CHIC1: variants seen among roughly 807,000 people sequenced by gnomAD.
The protein encoded by CHIC1 is cysteine rich hydrophobic domain 1.
CHIC1 carries 7 observed loss-of-function variants against 18.5 expected under a neutral mutation model. The observed-to-expected ratio is 0.38, with a 90% CI of 0.22 to 0.71. The LOEUF is 0.71. Ranked by LOEUF, CHIC1 falls within the 30% of genes least tolerant of loss-of-function variation. The probability of loss-of-function intolerance (pLI) is 0.49; values close to 1 mark genes in which losing one functional copy is unlikely to be tolerated. For synonymous variants in CHIC1, 77 were observed against 73.5 expected, an observed-to-expected ratio of 1.05 and a Z score of -0.25; for missense variants, 159 against 176.9, an observed-to-expected ratio of 0.90 and a Z score of 0.57.
chrX:73,582,359 G>C (rs1418909924), intron 2 of CHIC1, among the ~76,000 whole-genome samples: 1 of 109,961 alleles, frequency 9.1e-6, no homozygotes, highest in Non-Finnish European at 1.9e-5. Flanking sequence ...ACTTCTATTT[G>C]GTTGCCCAAT....
chrX:73,623,432 T>G (rs1324910509), intron 3 of CHIC1, among the ~76,000 whole-genome samples: 1 of 110,947 alleles, frequency 9.0e-6, no homozygotes, highest in Non-Finnish European at 1.9e-5. Flanking sequence ...CTTTACCTAT[T>G]GTAATGCCCT....
intron 3 of CHIC1, among the ~76,000 whole-genome samples, chrX:73,640,123 C>T (rs913516753): frequency 9.0e-6 from 1 of 111,725 alleles, no homozygotes; most frequent in Non-Finnish European, 1.9e-5. Context: ...CATGGGAATG[C>T]TTCCAGCTTT....
At chrX:73,570,041 T>C (rs2057463481) in intron 1 of CHIC1, among the ~76,000 whole-genome samples, 1 of 112,022 alleles carries the variant, frequency 8.9e-6, no homozygotes, top group African/African-American at 3.2e-5. Flanking sequence ...AGCACTGGGC[T>C]AAACACTGTG....
At chrX:73,615,318 C>T (rs1391159604) in intron 3 of CHIC1, among the ~76,000 whole-genome samples, 2 of 111,585 alleles carry the variant, frequency 1.8e-5, no homozygotes, top group African/African-American at 6.5e-5. Flanking sequence ...CAAACCAATT[C>T]TTGGTCTCCA....
rs369726456 is a variant in CHIC1 at position 73,604,064 on chromosome X, A to G, written c.507+19492A>G. On this transcript the variant is annotated intron_variant, in intron 3 of 5. Transcript: ENST00000373502. ...CCTTCTTTTTCTGTTGTTTGGAATAATTTCAGAAGGAATGGTACCAGCTCC... is the reference window on the plus strand; with the variant it reads ...CCTTCTTTTTCTGTTGTTTGGAATAGTTTCAGAAGGAATGGTACCAGCTCC... Among the ~76,000 whole-genome samples the G allele has an allele frequency of 1.8e-4, 19 of 107,945 alleles. 1 individual carries two copies. The South Asian group carries it at 6.2e-3, about 35-fold the overall frequency. 93.7% of individuals were successfully genotyped at this position (107,945 alleles called of 115,157 possible). A position where few individuals can be genotyped will look rare whatever the true frequency, so the allele number is the denominator to read the frequency against.
chrX:73,597,176 C>T (rs2057613856), intron 3 of CHIC1, among the ~76,000 whole-genome samples: 1 of 111,986 alleles, frequency 8.9e-6, no homozygotes, highest in Admixed American at 9.5e-5. Context: ...TTTATAACAG[C>T]CACCCTAGTG....
intron 3 of CHIC1, among the ~76,000 whole-genome samples, chrX:73,677,422 A>G (rs2058071916): frequency 9.0e-6 from 1 of 111,522 alleles, no homozygotes; most frequent in African/African-American, 3.3e-5. Flanking sequence ...CTAATCAAAC[A>G]ACTAACTCAG....
At chrX:73,676,715 G>A (rs1300336972) in intron 3 of CHIC1, among the ~76,000 whole-genome samples, 7 of 111,658 alleles carry the variant, frequency 6.3e-5, no homozygotes, top group Non-Finnish European at 9.4e-5. Context: ...ATCATTTGAA[G>A]CCTTCTTCTC....
chrX:73,678,573 G>A (rs1006606025), intron 3 of CHIC1, among the ~76,000 whole-genome samples: 1 of 111,986 alleles, frequency 8.9e-6, no homozygotes, highest in Admixed American at 9.4e-5. Context: ...TTCTCAGGTA[G>A]GGCACACTGG....
chrX:73,650,697 C>A, intron 3 of CHIC1, among the ~76,000 whole-genome samples: 2 of 40,090 alleles, frequency 5.0e-5, no homozygotes, highest in Non-Finnish European at 4.5e-5. Flanking sequence ...AATAGCCTAC[C>A]AACCAAAAAA....
chrX:73,675,364 C>G (rs1180394992), intron 3 of CHIC1, among the ~76,000 whole-genome samples: 1 of 111,531 alleles, frequency 9.0e-6, no homozygotes, highest in African/African-American at 3.3e-5. Context: ...GTCTGGGAGT[C>G]TAAATCTCTT....
chrX:73,648,254 TCAA>T (rs370803853), intron 3 of CHIC1, among the ~76,000 whole-genome samples: 97 of 109,302 alleles, frequency 8.9e-4, no homozygotes, highest in African/African-American at 2.8e-3. Flanking sequence ...AGAGAAAGAA[TCAA>T]CAACAACAAC....
rs1218145920 is a variant in CHIC1 at position 73,683,939 on chromosome X, A to C, written c.*2934A>C. On this transcript the variant is annotated 3_prime_UTR_variant, in exon 6 of 6. Transcript: ENST00000373502. Reference sequence around the variant, plus strand: ...CCCTCCTAATGCTAATTTAGGAAAGAGACCACTGTAGTAAAACTTTAGAAG... The same window carrying C: ...CCCTCCTAATGCTAATTTAGGAAAGCGACCACTGTAGTAAAACTTTAGAAG... 8.9e-6 allele frequency: 1 copy of C among 112,018 alleles called. No individual in the cohort carries two copies. Among genetic ancestry groups the C allele is most frequent in the Non-Finnish European group, 1.9e-5 (1 of 52,879 alleles). The allele number at this position is 112,018 out of a possible 1,213,427, so 9.2% of individuals were successfully genotyped here.
At chrX:73,655,492 GTGTATA>G (rs2057941041) in intron 3 of CHIC1, among the ~76,000 whole-genome samples, 1 of 60,441 alleles carries the variant, frequency 1.7e-5, no homozygotes, top group Admixed American at 1.9e-4. Context: ...ACACAATATT[GTGTATA>G]TATATATACA....
chrX:73,569,698 G>A (rs1366816038), intron 1 of CHIC1, among the ~76,000 whole-genome samples: 1 of 111,246 alleles, frequency 9.0e-6, no homozygotes, highest in East Asian at 2.8e-4. Flanking sequence ...TTTCCTAGTA[G>A]CTGCTAAGTG....
intron 3 of CHIC1, among the ~76,000 whole-genome samples, chrX:73,634,295 G>A (rs1769906): frequency 0.089 from 9,971 of 112,225 alleles, 476 homozygotes; most frequent in Middle Eastern, 0.19. Flanking sequence ...ACAAGTGTTA[G>A]GATTGTGTGC....
At chrX:73,576,719 G>C (rs1388294529) in intron 1 of CHIC1, among the ~76,000 whole-genome samples, 4 of 110,845 alleles carry the variant, frequency 3.6e-5, no homozygotes, top group Non-Finnish European at 7.7e-5. Flanking sequence ...CATTCAGGAA[G>C]TGACCTTTGT....
rs753242821 is a variant in CHIC1 at position 73,677,395 on chromosome X, C to A, written c.508-1931C>A. Among the ~76,000 whole-genome samples, 199 of 112,097 alleles carry A rather than the reference C, an allele frequency of 1.8e-3. 3 individuals carry two copies. Among genetic ancestry groups the A allele is most frequent in the Middle Eastern group, 9.2e-3 (2 of 218 alleles). On this transcript the variant is annotated intron_variant, in intron 3 of 5. Coordinates refer to ENST00000373502, the MANE Select transcript of CHIC1 (RefSeq NM_001039840.4). ...GTGGGCTCCACCCAGTTCAAGCTTC[C>A]CGGCTGCTTTGTTTACCTAATCAAA...
At chrX:73,667,860 G>T (rs1309209083) in intron 3 of CHIC1, among the ~76,000 whole-genome samples, 1 of 110,885 alleles carries the variant, frequency 9.0e-6, no homozygotes, top group Non-Finnish European at 1.9e-5. Flanking sequence ...ATCTCGTGGA[G>T]TGTCTTACTG....
Sources: gnomAD v4.1 joint callset for allele counts (sites outside exome capture counted in the v4.1 genomes callset) on GRCh38, gnomAD v4.1.1 for gene constraint, MANE v1.5 for transcripts, NCBI Gene and HGNC (gene_info 2026-07-23, HGNC 2026-07-21) for gene names.